The following SPHKAP variants were observed in gnomAD, a reference collection of about 807,000 sequenced individuals.
The protein encoded by SPHKAP is SPHK1 interactor, AKAP domain containing.
SPHKAP carries 67 observed loss-of-function variants against 137.5 expected under a neutral mutation model. The ratio of observed to expected loss-of-function variants is 0.49; its 90% CI spans 0.40 to 0.60. The LOEUF is 0.60. Ranked by LOEUF, SPHKAP falls within the 20% of genes least tolerant of loss-of-function variation. The pLI, the probability that SPHKAP is intolerant of heterozygous loss-of-function variation, is 0.00. For synonymous variants in SPHKAP, 813 were observed against 785.3 expected (o/e 1.04, Z -0.59); for missense variants, 2,097 against 2,069.3 (o/e 1.01, Z -0.26).
intron 5 of SPHKAP, among the ~76,000 whole-genome samples, chr2:228,024,023 G>A (rs1694938630): frequency 6.6e-6 from 1 of 152,112 alleles, no homozygotes; most frequent in Non-Finnish European, 1.5e-5. Context: ...TCTGATAATG[G>A]GGCCAACGGA....
chr2:228,076,298 G>T (rs1697182725), intron 3 of SPHKAP, among the ~76,000 whole-genome samples: 1 of 152,168 alleles, frequency 6.6e-6, no homozygotes, highest in South Asian at 2.1e-4. Context: ...AGAGCGAAGT[G>T]CTGCTGAAAA....
chr2:228,022,801 C>T (rs1694890612), intron 5 of SPHKAP, among the ~76,000 whole-genome samples: 1 of 152,120 alleles, frequency 6.6e-6, no homozygotes, highest in Admixed American at 6.5e-5. Context: ...TAAATTGAGT[C>T]CCAGTTTCTC....
rs549791590 is a variant in SPHKAP, at chr2:228,144,064, G to A, written c.33-11979C>T. On this transcript the variant is annotated intron_variant, in intron 1 of 11. Transcript: ENST00000392056. ...TGCCTCTGCTGGAAATGCTCCGTGC[G>A]TTGAGATCTGCACATCTCACTTCAT... Among the ~76,000 whole-genome samples, 14 of 151,898 alleles carry A rather than the reference G, an allele frequency of 9.2e-5. No individual in the cohort carries two copies. In the South Asian group the frequency reaches 1.2e-3, roughly 14 times the overall value.
intron 7 of SPHKAP, among the ~76,000 whole-genome samples, chr2:228,002,491 C>A (rs1201511822): frequency 6.6e-6 from 1 of 152,072 alleles, no homozygotes; most frequent in East Asian, 1.9e-4. Context: ...GAGTAGATTG[C>A]AAAAATTTTC....
chr2:228,176,728 G>A (rs575677743), intron 1 of SPHKAP, among the ~76,000 whole-genome samples: 6 of 152,160 alleles, frequency 3.9e-5, no homozygotes, highest in East Asian at 3.9e-4. Flanking sequence ...AAAATTAGCC[G>A]GGCGTGGTGG....
At chr2:227,987,251 A>G (rs1175168151) in intron 11 of SPHKAP, among the ~76,000 whole-genome samples, 1 of 152,222 alleles carries the variant, frequency 6.6e-6, no homozygotes, top group African/African-American at 2.4e-5. Flanking sequence ...TGACTGTTTC[A>G]TGCCCACATG....
intron 7 of SPHKAP, among the ~76,000 whole-genome samples, chr2:228,013,320 C>T (rs1205545878): frequency 1.3e-5 from 2 of 152,136 alleles, no homozygotes; most frequent in Non-Finnish European, 2.9e-5. Flanking sequence ...GGCACGATCT[C>T]GGCTCACTGC....
Position 228,057,315 on chromosome 2 carries a change from G to A in SPHKAP, c.247-29772C>T, listed in dbSNP as rs561859056. Among the ~76,000 whole-genome samples the A allele has an allele frequency of 7.2e-5, 11 of 152,256 alleles. No homozygotes were observed. The South Asian group carries it at 2.3e-3, about 32-fold the overall frequency. ...TTGAAGTGATGATATTTTTATTGAGGATAGTAGGCAATAAAATATTCAAAT... is the reference window on the plus strand; with the variant it reads ...TTGAAGTGATGATATTTTTATTGAGAATAGTAGGCAATAAAATATTCAAAT... On this transcript the variant is annotated intron_variant, in intron 3 of 11. Transcript: ENST00000392056.
In SPHKAP at chr2:228,017,985, G is replaced by A. The variant is rs1446612960; in HGVS notation, c.2869C>T (p.Pro957Ser). ...ICLDNSSGKQ[P>S]WFCAWKRGSE... ...CCTCTTTTCCATGCACAAAACCAGG[G>A]TTGTTTTCCACTGGAGTTGTCAAGG... Residue 957 changes from proline (P) to serine (S), a missense_variant, in exon 7 of 12, where the codon CCC becomes TCC. Pro to Ser is a moderately conservative substitution (Grantham distance 74). Transcript: ENST00000392056. The A allele has an allele frequency of 6.2e-7, 1 of 1,614,112 alleles. No homozygotes were observed. Among genetic ancestry groups the A allele is most frequent in the Non-Finnish European group, 8.5e-7 (1 of 1,180,022 alleles).
chr2:227,988,803 G>T (rs1256911585), intron 11 of SPHKAP, among the ~76,000 whole-genome samples: 1 of 152,122 alleles, frequency 6.6e-6, no homozygotes, highest in Non-Finnish European at 1.5e-5. Flanking sequence ...ACATGATTAT[G>T]CTTTTTTATT....
chr2:228,130,436 A>T lies in SPHKAP; in HGVS notation c.138+1544T>A, dbSNP rs148419053. ...TCCTTGCTTCAATCTTATAAAATAC[A>T]TAATACTATTTTCTTCATTTTTCAC... On this transcript the variant is annotated intron_variant, in intron 2 of 11. Transcript: ENST00000392056. Among the ~76,000 whole-genome samples, 1,250 of 152,308 alleles carry T rather than the reference A, an allele frequency of 8.2e-3. 13 individuals are homozygous for T. Among genetic ancestry groups the T allele is most frequent in the African/African-American group, 0.028 (1,170 of 41,564 alleles).
chr2:227,999,362 A>C (rs1189663108), intron 7 of SPHKAP, among the ~76,000 whole-genome samples: 3 of 152,238 alleles, frequency 2.0e-5, no homozygotes, highest in Admixed American at 2.0e-4. Context: ...AAGAGGCAGC[A>C]TGGACTTAAA....
intron 3 of SPHKAP, among the ~76,000 whole-genome samples, chr2:228,081,002 C>T (rs1472580606): frequency 2.0e-5 from 3 of 152,052 alleles, no homozygotes; most frequent in Admixed American, 6.6e-5. Context: ...GGGTGTGTAT[C>T]CTCAGAAAGG....
chr2:228,133,347 A>T (rs1010441287), intron 1 of SPHKAP, among the ~76,000 whole-genome samples: 1 of 144,190 alleles, frequency 6.9e-6, no homozygotes, highest in Admixed American at 7.0e-5. Flanking sequence ...ATAAATAAAT[A>T]AATTACTTCT....
intron 1 of SPHKAP, among the ~76,000 whole-genome samples, chr2:228,137,593 T>C (rs888118249): frequency 3.3e-5 from 5 of 152,174 alleles, no homozygotes; most frequent in African/African-American, 1.2e-4. Flanking sequence ...TGGTGAAATG[T>C]AGTAATTATA....
intron 2 of SPHKAP, among the ~76,000 whole-genome samples, chr2:228,119,298 A>T (rs1299016897): frequency 2.0e-5 from 3 of 152,180 alleles, no homozygotes; most frequent in African/African-American, 7.2e-5. Flanking sequence ...CATTGAAAAG[A>T]CATTCATTGC....
At chr2:228,180,046 T>C (rs1299486560) in intron 1 of SPHKAP, among the ~76,000 whole-genome samples, 1 of 152,184 alleles carries the variant, frequency 6.6e-6, no homozygotes, top group Non-Finnish European at 1.5e-5. Context: ...TCCAAACACC[T>C]TAATGCCTTT....
At chr2:228,036,831 C>A (rs4973067) in intron 3 of SPHKAP, among the ~76,000 whole-genome samples, 57,767 of 150,790 alleles carry the variant, frequency 0.38, 11,497 homozygotes, top group South Asian at 0.51. Flanking sequence ...GGAATTGAAC[C>A]ATGAGAACAC....
intron 3 of SPHKAP, among the ~76,000 whole-genome samples, chr2:228,056,548 G>C (rs1359992827): frequency 6.8e-6 from 1 of 147,160 alleles, no homozygotes; most frequent in East Asian, 2.0e-4. Flanking sequence ...TTCTTTTTCA[G>C]TTCAAAATCT....
Sources: gnomAD v4.1 joint callset for allele counts (sites outside exome capture counted in the v4.1 genomes callset) on GRCh38, gnomAD v4.1.1 for gene constraint, MANE v1.5 for transcripts, NCBI Gene and HGNC (gene_info 2026-07-23, HGNC 2026-07-21) for gene names.